The following PCDHGA7 variants were observed in gnomAD, a reference collection of about 807,000 sequenced individuals.
The protein encoded by PCDHGA7 is protocadherin gamma-A7.
PCDHGA7 carries 44 observed loss-of-function variants against 58.3 expected under a neutral mutation model. The observed-to-expected ratio is 0.75, with a 90% CI of 0.59 to 0.97. The LOEUF (loss-of-function observed/expected upper bound fraction) is 0.97, where lower values mean the gene tolerates loss of function less well. Ranked by LOEUF, PCDHGA7 falls within the 50% of genes least tolerant of loss-of-function variation. PCDHGA7 has a pLI of 0.00. For synonymous variants in PCDHGA7, 516 were observed against 504.2 expected, an observed-to-expected ratio of 1.02 and a Z score of -0.31; for missense variants, 1,266 against 1,188.7, an observed-to-expected ratio of 1.06 and a Z score of -0.96.
At chr5:141,468,194 G>A (rs959390749) in intron 1 of PCDHGA7, among the ~76,000 whole-genome samples, 21 of 151,716 alleles carry the variant, frequency 1.4e-4, no homozygotes, top group South Asian at 2.1e-4. Flanking sequence ...GCATGGTGGC[G>A]GGTGCCTGTA....
chr5:141,404,809 G>A (rs1383342554), intron 1 of PCDHGA7: 1 of 1,613,984 alleles, frequency 6.2e-7, no homozygotes, highest in East Asian at 2.2e-5. Flanking sequence ...TCTTCTCGGT[G>A]GGGCTGCACA....
intron 1 of PCDHGA7, chr5:141,479,743 T>C (rs2154578017): frequency 6.6e-6 from 1 of 152,356 alleles, no homozygotes; most frequent in African/African-American, 2.4e-5. Flanking sequence ...ATATGCACAA[T>C]GTGAAAGGTA....
At chr5:141,389,500 C>A in intron 1 of PCDHGA7, 1 of 1,613,056 alleles carries the variant, frequency 6.2e-7, no homozygotes, top group Non-Finnish European at 8.5e-7. Context: ...GGCTCGCCAG[C>A]GCTCAGCGCG....
intron 1 of PCDHGA7, chr5:141,418,622 G>C: frequency 6.2e-7 from 1 of 1,614,026 alleles, no homozygotes; most frequent in Non-Finnish European, 8.5e-7. Context: ...TCGGGAAGAC[G>C]TGCCTCCAGG....
chr5:141,424,294 C>G (rs1260250688), intron 1 of PCDHGA7: 1 of 152,470 alleles, frequency 6.6e-6, no homozygotes, highest in Non-Finnish European at 1.5e-5. Context: ...ATTTCTTCAT[C>G]CTATCAACAC....
intron 1 of PCDHGA7, among the ~76,000 whole-genome samples, chr5:141,463,460 T>TTTC (rs1554144872): frequency 7.4e-6 from 1 of 136,038 alleles, no homozygotes; most frequent in South Asian, 2.5e-4. Context: ...TTTTTTTTTT[T>TTTC]TTTTTTGAGA....
At chr5:141,415,352 C>T in intron 1 of PCDHGA7, 1 of 1,614,228 alleles carries the variant, frequency 6.2e-7, no homozygotes, top group Non-Finnish European at 8.5e-7. Context: ...TGGCACAAGT[C>T]ACGCCTGCTG....
rs901230493 is a variant in PCDHGA7, at chr5:141,487,514, C to T, written c.2425-7293C>T. 7 of 1,614,150 alleles carry T rather than the reference C, an allele frequency of 4.3e-6. No homozygotes were observed. The highest frequency in any genetic ancestry group is 1.1e-5 in the South Asian group (1 of 91,070). On this transcript the variant is annotated intron_variant, in intron 1 of 3. Transcript: ENST00000518325. The surrounding 1 kb of genome is among the most constrained non-coding windows in gnomAD (Gnocchi z 5.0). Reference sequence around the variant, plus strand: ...TACACCCTTGGCTTCTGCACCCACTCGGAGTGATAGCTTCATGATGGTGAA... The same window carrying T: ...TACACCCTTGGCTTCTGCACCCACTTGGAGTGATAGCTTCATGATGGTGAA...
At position 141,384,779 on chromosome 5, in the gene PCDHGA7, G is replaced by A. The variant is rs1252058358; in HGVS notation, c.1880G>A (p.Arg627His). Reference protein sequence around the residue: ...FAVGLYTGEVRTARALLDRDA... With the variant: ...FAVGLYTGEVHTARALLDRDA... The stretch of plus-strand genomic sequence containing the variant: ...GTTGGGCTGTACACGGGCGAGGTGC[G>A]CACGGCTCGGGCCCTGCTGGACAGA... The change falls in exon 1 of 4, where the codon CGC becomes CAC. Residue 627 changes from arginine (R) to histidine (H), a missense_variant. Transcript: ENST00000518325. 10 of 1,613,592 alleles carry A rather than the reference G, an allele frequency of 6.2e-6. No homozygotes were observed. The highest frequency in any genetic ancestry group is 2.2e-5 in the East Asian group (1 of 44,876).
chr5:141,388,791 A>C (rs1247299397), intron 1 of PCDHGA7: 1 of 1,613,810 alleles, frequency 6.2e-7, no homozygotes, highest in Admixed American at 1.7e-5. Flanking sequence ...TACTGTTTTA[A>C]ATACATTAGA....
rs181480719 is a variant in PCDHGA7, at chr5:141,387,482, G to A, written c.2424+2159G>A. 5.3e-5 allele frequency among the ~76,000 whole-genome samples: 8 copies of A among 152,294 alleles called. No individual in the cohort carries two copies. The East Asian group carries it at 1.5e-3, about 29-fold the overall frequency. On this transcript the variant is annotated intron_variant, in intron 1 of 3. Coordinates refer to ENST00000518325, the MANE Select transcript of PCDHGA7 (RefSeq NM_018920.4). ...AAAAATCCTCAAAGTTGGGATGAAG[G>A]CATTCCTAAGAGTACATTTTTAGAC...
rs1298573358 is a variant in PCDHGA7 at position 141,384,210 on chromosome 5, C to T, written c.1311C>T (p.His437=). The T allele has an allele frequency of 1.2e-6, 2 of 1,613,886 alleles. No homozygotes were observed. The highest frequency in any genetic ancestry group is 1.1e-5 in the South Asian group (1 of 91,086). The change falls in exon 1 of 4, where the codon CAC becomes CAT. Residue 437 remains histidine (H), a synonymous_variant. Transcript: ENST00000518325. ...CTCCTCCCTTGTCCAGGGAAACTCA[C>T]ATATTCATGCAGGTGGCAGACACCA... ...GGTPPLSRET[H]IFMQVADTND...
At chr5:141,496,698 C>T (rs2099770595) in intron 2 of PCDHGA7, among the ~76,000 whole-genome samples, 1 of 152,196 alleles carries the variant, frequency 6.6e-6, no homozygotes, top group Non-Finnish European at 1.5e-5. Context: ...CCAACCTTCT[C>T]ATAAGTTATC....
In PCDHGA7 at chr5:141,388,268, C is replaced by A; in HGVS notation, c.2424+2945C>A. On this transcript the variant is annotated intron_variant, in intron 1 of 3. Coordinates refer to ENST00000518325, the MANE Select transcript of PCDHGA7 (RefSeq NM_018920.4). ...ATGTGGAGATCGAGGACATTAATGA[C>A]CACACGCCAAAATTCACGCAAAATT... The A allele has an allele frequency of 1.3e-6, 2 of 1,594,084 alleles. No homozygotes were observed. Among genetic ancestry groups the A allele is most frequent in the African/African-American group, 2.9e-5 (2 of 68,850 alleles).
At position 141,410,301 on chromosome 5, in the gene PCDHGA7, C is replaced by A. The variant is rs1294760427; in HGVS notation, c.2424+24978C>A. ...CTGGTGGTGGCCTTGGCCTTAATCT[C>A]AGTGCTCTTCCTCCTCGCCGTGATT... On this transcript the variant is annotated intron_variant, in intron 1 of 3. Transcript: ENST00000518325. 2.5e-6 allele frequency: 4 copies of A among 1,614,030 alleles called. No individual in the cohort carries two copies. In the Admixed American group the frequency reaches 6.7e-5, roughly 27 times the overall value.
chr5:141,439,443 G>A (rs867907022), intron 1 of PCDHGA7, among the ~76,000 whole-genome samples: 1 of 152,164 alleles, frequency 6.6e-6, no homozygotes, highest in Non-Finnish European at 1.5e-5. Flanking sequence ...ATATTTTATT[G>A]CGGGAGCAAG....
At chr5:141,425,353 T>C (rs868017955) in intron 1 of PCDHGA7, among the ~76,000 whole-genome samples, 2 of 152,296 alleles carry the variant, frequency 1.3e-5, no homozygotes, top group Middle Eastern at 3.4e-3. Context: ...CTTTGAAATG[T>C]GATATTAAGA....
At chr5:141,483,179 G>C (rs2099577971) in intron 1 of PCDHGA7, among the ~76,000 whole-genome samples, 2 of 152,294 alleles carry the variant, frequency 1.3e-5, no homozygotes, top group African/African-American at 4.8e-5. Flanking sequence ...TTTGGGCCAA[G>C]CCAAGGAGTT....
chr5:141,476,234 G>A lies in PCDHGA7; in HGVS notation c.2425-18573G>A. 6.2e-7 allele frequency: 1 copy of A among 1,614,070 alleles called. No individual in the cohort carries two copies. The highest frequency in any genetic ancestry group is 8.5e-7 in the Non-Finnish European group (1 of 1,180,014). On this transcript the variant is annotated intron_variant, in intron 1 of 3. Coordinates refer to ENST00000518325, the MANE Select transcript of PCDHGA7 (RefSeq NM_018920.4). The surrounding 1 kb of genome is among the most constrained non-coding windows in gnomAD (Gnocchi z 7.6). Reference sequence around the variant, plus strand: ...GGTCATTCACTATGAGATCCCGGAGGAAAGAGAGAAGGGTTTCGCTGTGGG... The same window carrying A: ...GGTCATTCACTATGAGATCCCGGAGAAAAGAGAGAAGGGTTTCGCTGTGGG...
Sources: allele counts gnomAD v4.1 joint callset (sites outside exome capture counted in the v4.1 genomes callset), GRCh38; gene constraint gnomAD v4.1.1; non-coding constraint Gnocchi (gnomAD v3.1); transcripts MANE v1.5; gene names NCBI Gene and HGNC (gene_info 2026-07-23, HGNC 2026-07-21).